The following DPEP1 variants were observed in gnomAD, a reference collection of about 807,000 sequenced individuals.
DPEP1 encodes beta-lactamase.
Under a neutral mutation model 42.3 loss-of-function variants are expected in DPEP1, and 50 were observed. The observed-to-expected ratio is 1.18, with a 90% CI of 0.94 to 1.50. The LOEUF (loss-of-function observed/expected upper bound fraction) is 1.50, where lower values mean the gene tolerates loss of function less well. Among genes scored for constraint, DPEP1 ranks in the 40% most tolerant of loss-of-function variants. The pLI, the probability that DPEP1 is intolerant of heterozygous loss-of-function variation, is 0.00. For missense variants in DPEP1, 663 were observed against 553.0 expected, an observed-to-expected ratio of 1.20 and a Z score of -1.99; for synonymous variants, 297 against 234.0, an observed-to-expected ratio of 1.27 and a Z score of -2.46.
At chr16:89,614,309 T>C (rs1287667136) in intron 1 of DPEP1, among the ~76,000 whole-genome samples, 1 of 152,136 alleles carries the variant, frequency 6.6e-6, no homozygotes, top group Admixed American at 6.5e-5. Flanking sequence ...CTAGGCACCC[T>C]TGGGACTCAG....
chr16:89,640,698 G>A, downstream of DPEP1: 2 of 949,852 alleles, frequency 2.1e-6, no homozygotes, highest in Non-Finnish European at 2.5e-6. Context: ...GGGGTCCCTG[G>A]TGGGCTGCAA....
downstream of DPEP1, among the ~76,000 whole-genome samples, chr16:89,641,214 G>T (rs925575371): frequency 4.4e-5 from 4 of 90,008 alleles, no homozygotes; most frequent in African/African-American, 2.1e-4. Context: ...GGCCTCCGGA[G>T]GGCTGCGGGG....
At chr16:89,613,568 T>A (rs1309131789), upstream of DPEP1, 1 of 152,408 alleles carries the variant, frequency 6.6e-6, no homozygotes, top group Non-Finnish European at 1.5e-5. Context: ...AACACAGGGT[T>A]CCTGCAGGAA....
At chr16:89,615,856 G>T (rs922236335) in intron 1 of DPEP1, among the ~76,000 whole-genome samples, 1 of 152,176 alleles carries the variant, frequency 6.6e-6, no homozygotes, top group Non-Finnish European at 1.5e-5. Context: ...TGTGTGGAGG[G>T]AGACCAAGCA....
chr16:89,626,468 A>T (rs529205433), intron 1 of DPEP1: 1 of 152,256 alleles, frequency 6.6e-6, no homozygotes, highest in East Asian at 1.9e-4. Flanking sequence ...CTCCTGCCTC[A>T]GCCTCCCGAG....
At position 89,636,388 on chromosome 16, in the gene DPEP1, G is replaced by T. The variant is rs952372055; in HGVS notation, c.362G>T (p.Ser121Ile). 2.5e-6 allele frequency: 4 copies of T among 1,611,844 alleles called. No homozygotes were observed. Among genetic ancestry groups the T allele is most frequent in the Non-Finnish European group, 3.4e-6 (4 of 1,179,458 alleles). The change falls in exon 4 of 11, where the codon AGC (serine) becomes ATC (isoleucine). Residue 121 changes from serine (S) to isoleucine (I), a missense_variant. Transcript: ENST00000690203. Reference sequence around the variant, plus strand: ...CCGGAGACCTTCCTGTATGTCACCAGCAGTGCAGGTGGGGTCCTGACCTGG... The same window carrying T: ...CCGGAGACCTTCCTGTATGTCACCATCAGTGCAGGTGGGGTCCTGACCTGG... ...MYPETFLYVTSSAGIRQAFRE... is the reference protein window; with the variant it reads ...MYPETFLYVTISAGIRQAFRE...
At chr16:89,632,313 A>G (rs1179545540) in intron 2 of DPEP1, among the ~76,000 whole-genome samples, 1 of 152,188 alleles carries the variant, frequency 6.6e-6, no homozygotes, top group East Asian at 1.9e-4. Flanking sequence ...TCGGCCTCCC[A>G]CAGTGCTGGG....
rs2059673566 is a variant in DPEP1 at position 89,636,016 on chromosome 16, G to A, written c.213G>A (p.Leu71=). The A allele has an allele frequency of 1.2e-6, 2 of 1,611,492 alleles. No individual in the cohort carries two copies. The highest frequency in any genetic ancestry group is 2.2e-5 in the East Asian group (1 of 44,874). The change falls in exon 3 of 11, where the codon CTG becomes CTA. Residue 71 remains leucine (L), a synonymous_variant. Coordinates refer to ENST00000690203, the MANE Select transcript of DPEP1 (RefSeq NM_001389466.1). ...GCACACACACCAACATCCCCAAGCT[G>A]AGGGCCGGCTTTGTGGGAGGCCAGG... is the stretch of plus-strand genomic sequence containing the variant. ...LAGTHTNIPK[L]RAGFVGGQFW...
At chr16:89,615,016 C>T (rs900565509) in intron 1 of DPEP1, among the ~76,000 whole-genome samples, 1 of 152,128 alleles carries the variant, frequency 6.6e-6, no homozygotes, top group Non-Finnish European at 1.5e-5. Context: ...TTGGCGAATT[C>T]TTGCTGATTG....
At chr16:89,614,474 C>A (rs956929674) in intron 1 of DPEP1, among the ~76,000 whole-genome samples, 7 of 152,218 alleles carry the variant, frequency 4.6e-5, no homozygotes, top group African/African-American at 1.7e-4. Flanking sequence ...CAATTTCCTT[C>A]CAGGTGGAAA....
chr16:89,641,222 G>T (rs945513292), downstream of DPEP1, among the ~76,000 whole-genome samples: 9 of 25,188 alleles, frequency 3.6e-4, no homozygotes, highest in South Asian at 6.5e-3. Context: ...GAGGGCTGCG[G>T]GGGGGGGTTG....
intron 1 of DPEP1, chr16:89,616,832 A>AGCGGACAGGAAGTGGCCAGGG: frequency 3.9e-6 from 1 of 254,138 alleles, no homozygotes; most frequent in Non-Finnish European, 7.9e-6. Flanking sequence ...AGTGGCCAGG[A>AGCGGACAGGAAGTGGCCAGGG]AGCGGACAGG....
rs761869003 is a variant in DPEP1, at chr16:89,636,003, A to G, written c.200A>G (p.Asn67Ser). ...ACCACCTTGGCCGGCACACACACCA[A>G]CATCCCCAAGCTGAGGGCCGGCTTT... Reference protein sequence around the residue: ...NLTTLAGTHTNIPKLRAGFVG... With the variant: ...NLTTLAGTHTSIPKLRAGFVG... Residue 67 changes from asparagine to serine, a missense_variant, in exon 3 of 11, where the codon AAC becomes AGC. Transcript: ENST00000690203. 5.6e-6 allele frequency: 9 copies of G among 1,612,054 alleles called. No homozygotes were observed. Among genetic ancestry groups the G allele is most frequent in the East Asian group, 4.5e-5 (2 of 44,870 alleles).
At chr16:89,626,063 C>G in intron 1 of DPEP1, among the ~76,000 whole-genome samples, 1 of 152,206 alleles carries the variant, frequency 6.6e-6, no homozygotes, top group Non-Finnish European at 1.5e-5. Flanking sequence ...GTGCCTCCCT[C>G]TACCTGCCCC....
intron 1 of DPEP1, among the ~76,000 whole-genome samples, 198 bp from the exon 2 acceptor site, chr16:89,630,107 C>T (rs1020674777): frequency 1.3e-5 from 2 of 152,208 alleles, no homozygotes; most frequent in African/African-American, 4.8e-5. Flanking sequence ...AGCTCCACCC[C>T]TGGGTCTGGG....
Position 89,636,021 on chromosome 16 carries a change from C to G in DPEP1, c.218C>G (p.Ala73Gly), listed in dbSNP as rs767975018. The change falls in exon 3 of 11, where the codon GCC (alanine) becomes GGC (glycine). Residue 73 changes from alanine to glycine, a missense_variant. Transcript: ENST00000690203. ...CACACCAACATCCCCAAGCTGAGGG[C>G]CGGCTTTGTGGGAGGCCAGGTACCG... ...GTHTNIPKLRAGFVGGQFWSV... is the reference protein window; with the variant it reads ...GTHTNIPKLRGGFVGGQFWSV... The G allele has an allele frequency of 6.2e-7, 1 of 1,610,466 alleles. No individual in the cohort carries two copies. Among genetic ancestry groups the G allele is most frequent in the South Asian group, 1.1e-5 (1 of 90,762 alleles).
In DPEP1 at chr16:89,615,466, C is replaced by G. The variant is rs1347030759; in HGVS notation, c.-107+1747C>G. ...AGCCAGGGGGCTGGACCTGTCTTCTCTACCTCAGTTTCCAAGAGTAGGAGA... is the reference window on the plus strand; with the variant it reads ...AGCCAGGGGGCTGGACCTGTCTTCTGTACCTCAGTTTCCAAGAGTAGGAGA... On this transcript the variant is annotated intron_variant, in intron 1 of 10. Coordinates refer to ENST00000690203, the MANE Select transcript of DPEP1 (RefSeq NM_001389466.1). Among the ~76,000 whole-genome samples the G allele has an allele frequency of 2.6e-5, 4 of 152,326 alleles. No homozygotes were observed. The East Asian group carries it at 7.7e-4, about 29-fold the overall frequency.
At chr16:89,640,668 G>A (rs543486134), downstream of DPEP1, 15 of 981,412 alleles carry the variant, frequency 1.5e-5, no homozygotes, top group Admixed American at 1.2e-4. Flanking sequence ...GGCGTTTTCC[G>A]TCTGGGATTG....
chr16:89,630,361 G>A lies in DPEP1; in HGVS notation c.-50G>A. The A allele has an allele frequency of 6.6e-7, 1 of 1,516,988 alleles. No individual in the cohort carries two copies. The highest frequency in any genetic ancestry group is 9.1e-7 in the Non-Finnish European group (1 of 1,100,672). 94.0% of individuals were successfully genotyped at this position (1,516,988 alleles called of 1,614,324 possible). On this transcript the variant is annotated 5_prime_UTR_variant, in exon 2 of 11. Transcript: ENST00000690203. ...CCTTCTGCACGGGCCAGCCAGGCCA[G>A]CACAGAGGCACCAGGGCAGCAGTGC...
Sources: allele counts gnomAD v4.1 joint callset (sites outside exome capture counted in the v4.1 genomes callset), GRCh38; gene constraint gnomAD v4.1.1; transcripts MANE v1.5; gene names NCBI Gene and HGNC (gene_info 2026-07-23, HGNC 2026-07-21).